TUSC3: variants seen among roughly 807,000 people sequenced by gnomAD.
TUSC3 encodes dolichyl-diphosphooligosaccharide--protein glycosyltransferase subunit TUSC3.
TUSC3 carries 45 observed loss-of-function variants against 44.8 expected under a neutral mutation model. The ratio of observed to expected loss-of-function variants is 1.00; its 90% CI spans 0.79 to 1.29. The LOEUF (loss-of-function observed/expected upper bound fraction) is 1.29. Ranked by LOEUF, TUSC3 falls within the 50% of genes most tolerant of loss-of-function variation. The pLI, the probability that TUSC3 is intolerant of heterozygous loss-of-function variation, is 0.00. For synonymous variants in TUSC3, 212 were observed against 152.9 expected (o/e 1.39, Z -2.85); for missense variants, 519 against 437.9 (o/e 1.19, Z -1.65).
chr8:15,494,094 A>C (rs1270020166), intron 2 of TUSC3, among the ~76,000 whole-genome samples: 3 of 152,186 alleles, frequency 2.0e-5, no homozygotes, highest in Non-Finnish European at 4.4e-5. Flanking sequence ...CTGCTATACC[A>C]GCTGCTCTGC....
chr8:15,523,688 G>GTATATATATATATATA (rs1296439729), intron 2 of TUSC3, among the ~76,000 whole-genome samples: 24 of 50,078 alleles, frequency 4.8e-4, no homozygotes, highest in African/African-American at 1.4e-3. Flanking sequence ...GTGTGTGTGT[G>GTATATATATATATATA]TGTGTGTGTG....
At chr8:15,737,248 G>A (rs1235198594) in intron 7 of TUSC3, among the ~76,000 whole-genome samples, 1 of 152,074 alleles carries the variant, frequency 6.6e-6, no homozygotes, top group African/African-American at 2.4e-5. Flanking sequence ...CTTCTATAAT[G>A]TGCTAACATT....
intron 2 of TUSC3, among the ~76,000 whole-genome samples, chr8:15,509,717 CT>C (rs1451533187): frequency 6.6e-6 from 1 of 152,142 alleles, no homozygotes; most frequent in African/African-American, 2.4e-5. Flanking sequence ...TGGACTTTAC[CT>C]ATTCATCTCT....
intron 2 of TUSC3, among the ~76,000 whole-genome samples, chr8:15,495,360 G>T (rs1800867773): frequency 6.6e-6 from 1 of 152,136 alleles, no homozygotes; most frequent in Non-Finnish European, 1.5e-5. Flanking sequence ...TTGGTGTTTT[G>T]TCAAATGCCA....
At chr8:15,693,338 G>A (rs1321064820) in intron 6 of TUSC3, among the ~76,000 whole-genome samples, 2 of 151,542 alleles carry the variant, frequency 1.3e-5, no homozygotes, top group African/African-American at 4.9e-5. Context: ...AACCTCTATT[G>A]AGGTGGTTCT....
chr8:15,440,736 A>C (rs73191106), intron 1 of TUSC3, among the ~76,000 whole-genome samples: 24,739 of 152,170 alleles, frequency 0.16, 2,090 homozygotes, highest in Middle Eastern at 0.22. Flanking sequence ...AATAGACACT[A>C]TGATATTCTT....
chr8:15,757,349 T>G lies in TUSC3; in HGVS notation c.1029-442T>G, dbSNP rs370395282. ...GTAAGGAAATGTACAGAATAACAGCTAAAAATGAAAGGCATTCATACCAAT... is the reference window on the plus strand; with the variant it reads ...GTAAGGAAATGTACAGAATAACAGCGAAAAATGAAAGGCATTCATACCAAT... On this transcript the variant is annotated intron_variant, in intron 9 of 10. Transcript: ENST00000503731. Among the ~76,000 whole-genome samples, 6 of 152,242 alleles carry G rather than the reference T, an allele frequency of 3.9e-5. No individual in the cohort carries two copies. The East Asian group carries it at 1.2e-3, about 29-fold the overall frequency.
intron 1 of TUSC3, among the ~76,000 whole-genome samples, chr8:15,611,185 G>A (rs896842687): frequency 2.0e-5 from 3 of 151,966 alleles, no homozygotes; most frequent in African/African-American, 7.3e-5. Flanking sequence ...CTTTTTTGTT[G>A]TTGCTGTTGT....
intron 1 of TUSC3, among the ~76,000 whole-genome samples, chr8:15,546,716 G>A (rs1415088603): frequency 6.6e-6 from 1 of 151,472 alleles, no homozygotes; most frequent in Non-Finnish European, 1.5e-5. Flanking sequence ...CGTATTTTTA[G>A]TAGAGACAGG....
chr8:15,493,868 C>A (rs896454113), intron 2 of TUSC3, among the ~76,000 whole-genome samples: 1 of 152,130 alleles, frequency 6.6e-6, no homozygotes, highest in African/African-American at 2.4e-5. Flanking sequence ...TAAATATCAC[C>A]CTTCTTCATA....
intron 6 of TUSC3, among the ~76,000 whole-genome samples, chr8:15,697,438 G>A (rs114086408): frequency 0.022 from 3,396 of 152,206 alleles, 122 homozygotes; most frequent in African/African-American, 0.076. Context: ...TTTCCTCCTT[G>A]CACAGCCTTT....
At chr8:15,457,808 A>C (rs1363860588) in intron 1 of TUSC3, among the ~76,000 whole-genome samples, 1 of 89,162 alleles carries the variant, frequency 1.1e-5, no homozygotes, top group African/African-American at 4.3e-5. Flanking sequence ...AAATAAAATA[A>C]TTTATTAGAT....
intron 1 of TUSC3, among the ~76,000 whole-genome samples, chr8:15,569,083 A>G (rs1460228346): frequency 1.3e-5 from 2 of 152,164 alleles, no homozygotes; most frequent in Non-Finnish European, 2.9e-5. Flanking sequence ...AATTTTGAAA[A>G]TTATAAAAAA....
chr8:15,471,253 G>A (rs190992113), intron 1 of TUSC3, among the ~76,000 whole-genome samples: 179 of 152,174 alleles, frequency 1.2e-3, no homozygotes, highest in Non-Finnish European at 1.4e-3. Flanking sequence ...TTATTTCAGT[G>A]TTTAGTAGTG....
At chr8:15,639,139 A>C (rs1012939784) in intron 2 of TUSC3, among the ~76,000 whole-genome samples, 1 of 150,272 alleles carries the variant, frequency 6.7e-6, no homozygotes, top group Non-Finnish European at 1.5e-5. Context: ...CGTGATGTTC[A>C]GGGCTTCAGT....
At chr8:15,417,792 T>C (rs1266267915) in intron 1 of TUSC3, among the ~76,000 whole-genome samples, 2 of 152,168 alleles carry the variant, frequency 1.3e-5, no homozygotes, top group African/African-American at 4.8e-5. Flanking sequence ...ATGTTCCTGA[T>C]TGGCGTTGGC....
the TUSC3 span, among the ~76,000 whole-genome samples, chr8:15,827,197 A>T: frequency 4.6e-5 from 7 of 152,212 alleles, no homozygotes; most frequent in Non-Finnish European, 1.0e-4. Flanking sequence ...GCTGGATTTC[A>T]GCATAAGCAT....
At chr8:15,835,481 T>G in the TUSC3 span, among the ~76,000 whole-genome samples, 2 of 152,202 alleles carry the variant, frequency 1.3e-5, no homozygotes, top group Non-Finnish European at 2.9e-5. Context: ...TTTTTTAATC[T>G]TGTTACTAAC....
chr8:15,774,039 T>C, the TUSC3 span, among the ~76,000 whole-genome samples: 2 of 152,132 alleles, frequency 1.3e-5, no homozygotes, highest in Non-Finnish European at 2.9e-5. Flanking sequence ...AATAAAAATA[T>C]AACTTAGACC....
Sources: gnomAD v4.1 joint callset for allele counts (sites outside exome capture counted in the v4.1 genomes callset) on GRCh38, gnomAD v4.1.1 for gene constraint, MANE v1.5 for transcripts, NCBI Gene and HGNC (gene_info 2026-07-23, HGNC 2026-07-21) for gene names.